ASAH2: variants seen among roughly 807,000 people sequenced by gnomAD.
ASAH2 encodes the protein N-acylsphingosine amidohydrolase 2, also known as neutral ceramidase.
A neutral mutation model predicts 82.9 loss-of-function variants in ASAH2; 58 were observed. That is an observed-to-expected ratio of 0.70 (90% CI 0.57 to 0.87). ASAH2 has a LOEUF of 0.87. Ranked by LOEUF, ASAH2 falls within the 40% of genes least tolerant of loss-of-function variation. The pLI, the probability that ASAH2 is intolerant of heterozygous loss-of-function variation, is 0.00. For synonymous variants in ASAH2, 276 were observed against 289.7 expected (o/e 0.95, Z 0.48); for missense variants, 779 against 834.0 (o/e 0.93, Z 0.81).
chr10:50,193,459 C>T (rs1461762089), intron 18 of ASAH2, among the ~76,000 whole-genome samples: 1 of 147,128 alleles, frequency 6.8e-6, no homozygotes, highest in Admixed American at 6.8e-5. Flanking sequence ...AGAAAGCTCC[C>T]CTCAAGTTTG....
chr10:50,241,093 A>C (rs1188191006), intron 4 of ASAH2, among the ~76,000 whole-genome samples: 8 of 152,336 alleles, frequency 5.3e-5, no homozygotes, highest in Admixed American at 5.2e-4. Flanking sequence ...TGAGGAACTG[A>C]GGCCTTTGGC....
chr10:50,238,792 TA>T (rs1846222057), intron 4 of ASAH2, among the ~76,000 whole-genome samples: 1 of 152,108 alleles, frequency 6.6e-6, no homozygotes, highest in Non-Finnish European at 1.5e-5. Context: ...ATCAAGCCCT[TA>T]AGAAGACAGA....
At chr10:50,224,438 G>A (rs1289919263) in intron 7 of ASAH2, among the ~76,000 whole-genome samples, 1 of 151,908 alleles carries the variant, frequency 6.6e-6, no homozygotes, top group African/African-American at 2.4e-5. Context: ...AATATATGGG[G>A]GCGGTGTTCA....
At chr10:50,227,547 T>A (rs1845920324) in intron 7 of ASAH2, among the ~76,000 whole-genome samples, 1 of 152,186 alleles carries the variant, frequency 6.6e-6, no homozygotes, top group Admixed American at 6.5e-5. Context: ...AGTATAATTT[T>A]AATTTAATTT....
intron 17 of ASAH2, among the ~76,000 whole-genome samples, chr10:50,198,551 T>C (rs1416582731): frequency 2.6e-5 from 4 of 151,676 alleles, no homozygotes; most frequent in Non-Finnish European, 4.4e-5. Flanking sequence ...CTTCCTCTGA[T>C]TGGAAAATGC....
intron 16 of ASAH2, 130 bp downstream of exon 16, chr10:50,202,699 C>G (rs1845184208): frequency 1.4e-6 from 1 of 734,912 alleles, no homozygotes; most frequent in East Asian, 2.6e-5. Context: ...CATCCTCTTA[C>G]CTGTTATACC....
intron 1 of ASAH2, among the ~76,000 whole-genome samples, 130 bp from the exon 2 acceptor site, chr10:50,248,776 T>C (rs1846540001): frequency 6.6e-6 from 1 of 152,226 alleles, no homozygotes; most frequent in South Asian, 2.1e-4. Flanking sequence ...ACTCATTCCA[T>C]AGACCAAGCC....
intron 1 of ASAH2, among the ~76,000 whole-genome samples, chr10:50,249,001 G>C (rs984925187): frequency 2.6e-5 from 4 of 152,156 alleles, no homozygotes; most frequent in Non-Finnish European, 5.9e-5. Flanking sequence ...TCTGTACATG[G>C]GTCTGGGCTG....
chr10:50,217,234 T>A (rs1366920325), intron 8 of ASAH2, among the ~76,000 whole-genome samples: 1 of 150,382 alleles, frequency 6.6e-6, no homozygotes, highest in East Asian at 1.9e-4. Flanking sequence ...TCTTTCTTTT[T>A]TTTTTTTTTT....
intron 17 of ASAH2, among the ~76,000 whole-genome samples, chr10:50,197,714 G>C (rs1251347736): frequency 6.6e-6 from 1 of 151,798 alleles, no homozygotes; most frequent in Non-Finnish European, 1.5e-5. Context: ...TAAGGTGCTT[G>C]ACCAGAAATT....
intron 17 of ASAH2, among the ~76,000 whole-genome samples, chr10:50,197,618 G>A (rs1231192065): frequency 4.0e-5 from 6 of 151,662 alleles, no homozygotes; most frequent in Admixed American, 4.0e-4. Flanking sequence ...TATGAGATAG[G>A]TTATGTATTA....
chr10:50,188,219 C>CAA (rs1844799863), intron 20 of ASAH2, among the ~76,000 whole-genome samples: 1 of 125,244 alleles, frequency 8.0e-6, no homozygotes, highest in South Asian at 3.1e-4. Context: ...AAAGCAGGAA[C>CAA]AAACTTGATG....
In ASAH2 at chr10:50,211,068, T is replaced by A; in HGVS notation, c.1294A>T (p.Met432Leu). ...TTGAGCCAGACAGTCACATCTGTCA[T>A]ATCCACCCACTGGTGTGCTGAAGCC... is the stretch of plus-strand genomic sequence containing the variant. ...PLASAHQWVD[M>L]TDVTVWLNST... is the part of the protein sequence containing the mutation. The change falls in exon 11 of 21, where the codon ATG (methionine) becomes TTG (leucine). Residue 432 changes from methionine to leucine, a missense_variant. Around this residue, in one of 3 missense-constraint regions of ASAH2, gnomAD observed 759 missense variants for 755.2 expected, o/e 1.00. Coordinates refer to ENST00000682911, the MANE Select transcript of ASAH2 (RefSeq NM_019893.4). The A allele has an allele frequency of 5.0e-6, 8 of 1,613,812 alleles. No individual in the cohort carries two copies. The highest frequency in any genetic ancestry group is 6.8e-6 in the Non-Finnish European group (8 of 1,179,776).
intron 13 of ASAH2, 53 bp downstream of exon 13, chr10:50,205,929 A>G: frequency 1.5e-6 from 2 of 1,330,606 alleles, no homozygotes; most frequent in South Asian, 1.2e-5. Flanking sequence ...GACAGTTCAC[A>G]TATTTAAAAA....
intron 9 of ASAH2, among the ~76,000 whole-genome samples, chr10:50,213,892 T>C (rs1395360100): frequency 6.6e-6 from 1 of 152,032 alleles, no homozygotes; most frequent in Non-Finnish European, 1.5e-5. Context: ...ATCCCAGAAA[T>C]AGTATACAAA....
intron 8 of ASAH2, 148 bp downstream of exon 8, chr10:50,218,362 A>T (rs545664569): frequency 4.4e-6 from 5 of 1,146,342 alleles, no homozygotes; most frequent in African/African-American, 1.5e-5. Flanking sequence ...ATTAGGGAGG[A>T]TGGTAAATGC....
intron 12 of ASAH2, among the ~76,000 whole-genome samples, chr10:50,206,383 G>A (rs1845297613): frequency 6.6e-6 from 1 of 151,800 alleles, no homozygotes; most frequent in South Asian, 2.1e-4. Context: ...GCTCATTCAT[G>A]TTGCAAATAA....
At chr10:50,224,585 G>T (rs1845833497) in intron 7 of ASAH2, among the ~76,000 whole-genome samples, 1 of 151,894 alleles carries the variant, frequency 6.6e-6, no homozygotes, top group Non-Finnish European at 1.5e-5. Flanking sequence ...AGTCTCATTT[G>T]CAAGGTGGGG....
intron 7 of ASAH2, 125 bp downstream of exon 7, chr10:50,233,059 A>G (rs1846057689): frequency 1.2e-6 from 1 of 835,418 alleles, no homozygotes; most frequent in African/African-American, 1.7e-5. Context: ...CTGACTTCAG[A>G]ACCTGGACTC....
Sources: allele counts gnomAD v4.1 joint callset (sites outside exome capture counted in the v4.1 genomes callset), GRCh38; gene constraint gnomAD v4.1.1; regional missense constraint gnomAD v4.1.1; transcripts MANE v1.5; gene names NCBI Gene and HGNC (gene_info 2026-07-23, HGNC 2026-07-21).